Variants in RAPGEF6 observed in about 807,000 individuals in gnomAD.
RAPGEF6 encodes PDZ domain containing guanine nucleotide exchange factor (GEF) 2.
A neutral mutation model predicts 171.4 loss-of-function variants in RAPGEF6; 56 were observed. The ratio of observed to expected loss-of-function variants is 0.33; its 90% CI spans 0.26 to 0.41. The LOEUF (loss-of-function observed/expected upper bound fraction) is 0.41. Ranked by LOEUF, RAPGEF6 falls within the 10% of genes least tolerant of loss-of-function variation. The pLI is 1.00. For synonymous variants in RAPGEF6, 692 were observed against 650.1 expected (o/e 1.06, Z -0.98); for missense variants, 1,674 against 1,921.4 (o/e 0.87, Z 2.41).
chr5:131,474,817 AAAAC>A (rs776006384), intron 16 of RAPGEF6, among the ~76,000 whole-genome samples: 3 of 152,210 alleles, frequency 2.0e-5, no homozygotes, highest in Non-Finnish European at 2.9e-5. Context: ...TTGACTTTTG[AAAAC>A]AAACACATCA....
rs1751543454 is a variant in RAPGEF6 at position 131,429,075 on chromosome 5, A to T, written c.4607T>A (p.Val1536Glu). 5.0e-6 allele frequency: 8 copies of T among 1,614,196 alleles called. No homozygotes were observed. The highest frequency in any genetic ancestry group is 6.8e-6 in the Non-Finnish European group (8 of 1,180,034). The part of the protein sequence containing the change: ...HLKPPDYSVA[V>E]QRSKMMHNSL... The stretch of plus-strand genomic sequence containing the variant: ...GTTATGCATCATCTTTGACCTCTGC[A>T]CTGCCACACTATAATCTGGAGGTTT... Residue 1536 changes from valine (V) to glutamate (E), a missense_variant, in exon 27 of 28, where the codon GTG becomes GAG. Transcript: ENST00000509018.
At chr5:131,536,638 C>T (rs557719632) in intron 6 of RAPGEF6, among the ~76,000 whole-genome samples, 90 of 152,150 alleles carry the variant, frequency 5.9e-4, no homozygotes, top group African/African-American at 2.1e-3. Flanking sequence ...AGAGAGAAAC[C>T]GTCATCATCA....
At chr5:131,538,289 G>C (rs974591764) in intron 6 of RAPGEF6, among the ~76,000 whole-genome samples, 5 of 152,034 alleles carry the variant, frequency 3.3e-5, no homozygotes, top group Non-Finnish European at 7.4e-5. Context: ...TTTCATCCTT[G>C]GGCAAACATC....
intron 1 of RAPGEF6, among the ~76,000 whole-genome samples, chr5:131,624,219 GAAGT>G (rs1765767991): frequency 6.6e-6 from 1 of 152,180 alleles, no homozygotes; most frequent in African/African-American, 2.4e-5. Context: ...CAATCCTAGA[GAAGT>G]TAGATAACTT....
intron 15 of RAPGEF6, among the ~76,000 whole-genome samples, chr5:131,482,960 A>G (rs1046742633): frequency 2.0e-5 from 3 of 152,232 alleles, no homozygotes; most frequent in East Asian, 1.9e-4. Context: ...ATGCTATGCT[A>G]AAGTATTGAA....
chr5:131,503,205 T>C (rs186354479), intron 11 of RAPGEF6, among the ~76,000 whole-genome samples: 1 of 152,294 alleles, frequency 6.6e-6, no homozygotes, highest in African/African-American at 2.4e-5. Flanking sequence ...CAATAAGATA[T>C]TTAGGAGTGA....
chr5:131,486,102 T>C (rs1200756054), intron 15 of RAPGEF6, among the ~76,000 whole-genome samples: 1 of 152,250 alleles, frequency 6.6e-6, no homozygotes, highest in East Asian at 1.9e-4. Context: ...ACAGCGCACA[T>C]CCACTTCAGA....
At chr5:131,503,789 G>A (rs1435361604) in intron 11 of RAPGEF6, among the ~76,000 whole-genome samples, 1 of 152,202 alleles carries the variant, frequency 6.6e-6, no homozygotes, top group Non-Finnish European at 1.5e-5. Flanking sequence ...AGGGAAAACA[G>A]TATGGGGGTT....
At chr5:131,457,116 C>T (rs945140801) in intron 19 of RAPGEF6, among the ~76,000 whole-genome samples, 7 of 152,142 alleles carry the variant, frequency 4.6e-5, no homozygotes, top group East Asian at 1.9e-4. Context: ...GGCTGGAGTG[C>T]GGTGGTGCGA....
chr5:131,530,040 T>TGGGA lies in RAPGEF6; in HGVS notation c.496-8523_496-8520dup, dbSNP rs1281876155. Among the ~76,000 whole-genome samples the TGGGA allele has an allele frequency of 4.0e-5, 6 of 150,092 alleles. No individual in the cohort carries two copies. In the East Asian group the frequency reaches 1.2e-3, roughly 29 times the overall value. ...CTCCCACCTCAACCTCCCGAGTAGC[T>TGGGA]GGGACTACAGATATGTGGCACCACA... On this transcript the variant is annotated intron_variant, in intron 6 of 27. Transcript: ENST00000509018.
chr5:131,505,317 A>G, intron 10 of RAPGEF6, 47 bp downstream of exon 10: 2 of 1,589,876 alleles, frequency 1.3e-6, no homozygotes, highest in Non-Finnish European at 8.6e-7. Context: ...AGGCTCAGCT[A>G]CTTTAAACCA....
Position 131,433,655 on chromosome 5 carries a change from T to A in RAPGEF6, c.3749A>T (p.Tyr1250Phe). The change falls in exon 25 of 28, where the codon TAC becomes TTC. Residue 1250 changes from tyrosine (Y) to phenylalanine (F), a missense_variant. Physicochemically the swap from Tyr to Phe is conservative, Grantham distance 22 (BLOSUM62 3). Around this residue, in one of 3 missense-constraint regions of RAPGEF6, gnomAD observed 552 missense variants for 574.2 expected, o/e 0.96. Coordinates refer to ENST00000509018, the MANE Select transcript of RAPGEF6 (RefSeq NM_016340.6). ...AGATTTAGCTGATGGAATAAGTGTG[T>A]AACCTGAACAAGAAAAGAGCACTGA... is the stretch of plus-strand genomic sequence containing the variant. ...ASPQGSPHKGYTLIPSAKSDN... is the reference protein window; with the variant it reads ...ASPQGSPHKGFTLIPSAKSDN... 1 of 1,597,348 alleles carries A rather than the reference T, an allele frequency of 6.3e-7. No homozygotes were observed. The highest frequency in any genetic ancestry group is 8.6e-7 in the Non-Finnish European group (1 of 1,165,696).
intron 20 of RAPGEF6, among the ~76,000 whole-genome samples, chr5:131,454,721 G>C (rs545857568): frequency 6.6e-6 from 1 of 152,172 alleles, no homozygotes; most frequent in Admixed American, 6.5e-5. Context: ...CAAAACCATA[G>C]GTTTCAAGGT....
intron 24 of RAPGEF6, among the ~76,000 whole-genome samples, chr5:131,437,322 G>T (rs1752072580): frequency 6.6e-6 from 1 of 152,204 alleles, no homozygotes; most frequent in South Asian, 2.1e-4. Flanking sequence ...TGTAGATTTT[G>T]TTGGGAATAA....
At chr5:131,443,806 G>A (rs1262701280) in intron 22 of RAPGEF6, among the ~76,000 whole-genome samples, 1 of 152,142 alleles carries the variant, frequency 6.6e-6, no homozygotes, top group South Asian at 2.1e-4. Context: ...ACATCCTTAT[G>A]TGCCAGTAAC....
chr5:131,630,510 G>A (rs946303467), intron 1 of RAPGEF6, among the ~76,000 whole-genome samples: 1 of 152,138 alleles, frequency 6.6e-6, no homozygotes, highest in African/African-American at 2.4e-5. Context: ...GCACTTAATT[G>A]TCCATGGAGT....
In RAPGEF6 at chr5:131,429,507, A is replaced by C. The variant is rs545681341; in HGVS notation, c.4466-291T>G. On this transcript the variant is annotated intron_variant, in intron 26 of 27. Coordinates refer to ENST00000509018, the MANE Select transcript of RAPGEF6 (RefSeq NM_016340.6). ...TGCAATTCAGCCCCCATATCACAGA[A>C]GTACATGACAACTCCTGAAGTCACA... Among the ~76,000 whole-genome samples the C allele has an allele frequency of 2.0e-5, 3 of 152,304 alleles. No individual in the cohort carries two copies. In the East Asian group the frequency reaches 5.8e-4, roughly 29 times the overall value.
At chr5:131,487,373 C>T (rs1755981005) in intron 15 of RAPGEF6, among the ~76,000 whole-genome samples, 1 of 152,162 alleles carries the variant, frequency 6.6e-6, no homozygotes, top group Non-Finnish European at 1.5e-5. Context: ...AGCTTTTATT[C>T]CCTTATTTGT....
chr5:131,440,060 TCTTC>T, intron 23 of RAPGEF6: 1 of 375,018 alleles, frequency 2.7e-6, no homozygotes, highest in Middle Eastern at 4.9e-4. Context: ...GGATTCAAAC[TCTTC>T]CCTCCCCTCT....
Sources: gnomAD v4.1 joint callset for allele counts (sites outside exome capture counted in the v4.1 genomes callset) on GRCh38, gnomAD v4.1.1 for gene constraint, gnomAD v4.1.1 regional missense constraint, MANE v1.5 for transcripts, NCBI Gene and HGNC (gene_info 2026-07-23, HGNC 2026-07-21) for gene names.